Variants in ZNF143 observed in about 807,000 individuals in gnomAD.
ZNF143 encodes the protein zinc finger protein 143.
ZNF143 carries 49 observed loss-of-function variants against 74.1 expected under a neutral mutation model. The ratio of observed to expected loss-of-function variants is 0.66; its 90% CI spans 0.53 to 0.84. ZNF143 has a LOEUF of 0.84. Among genes scored for constraint, ZNF143 ranks in the 40% least tolerant of loss-of-function variants. The probability of loss-of-function intolerance (pLI) is 0.00; values close to 1 mark genes in which losing one functional copy is unlikely to be tolerated. For missense variants in ZNF143, 637 were observed against 793.4 expected (o/e 0.80, Z 2.37); for synonymous variants, 304 against 282.8 (o/e 1.07, Z -0.75).
intron 1 of ZNF143, chr11:9,461,974 T>C (rs1855887236): frequency 6.6e-6 from 1 of 152,244 alleles, no homozygotes; most frequent in Non-Finnish European, 1.5e-5. Context: ...AGGTTCGAGA[T>C]TGTGGTCGGC....
intron 11 of ZNF143, among the ~76,000 whole-genome samples, chr11:9,505,576 T>G (rs1356148179): frequency 6.6e-6 from 1 of 151,598 alleles, no homozygotes; most frequent in Non-Finnish European, 1.5e-5. Context: ...TACGAATGAG[T>G]TCACTTACTG....
At position 9,497,720 on chromosome 11, in the gene ZNF143, C is replaced by T; in HGVS notation, c.887C>T (p.Pro296Leu). The T allele has an allele frequency of 6.2e-7, 1 of 1,609,182 alleles. No individual in the cohort carries two copies. Among genetic ancestry groups the T allele is most frequent in the Non-Finnish European group, 8.5e-7 (1 of 1,176,292 alleles). The change falls in exon 10 of 16, where the codon CCA becomes CTA. Residue 296 changes from proline to leucine, a missense_variant. Pro to Leu is a moderately conservative substitution (Grantham distance 98, BLOSUM62 -3). Coordinates refer to ENST00000396602, the MANE Select transcript of ZNF143 (RefSeq NM_003442.6). ...GTCAGAACTCATACAGGAGAAAAGC[C>T]ATATCGGTGTTCGGAAGATAATTGT... is the stretch of plus-strand genomic sequence containing the variant. ...SHVRTHTGEK[P>L]YRCSEDNCTK...
At chr11:9,466,719 G>A (rs772888461) in intron 1 of ZNF143, among the ~76,000 whole-genome samples, 1 of 152,128 alleles carries the variant, frequency 6.6e-6, no homozygotes, top group East Asian at 1.9e-4. Flanking sequence ...GCAGTTACAG[G>A]TGTGAGCCAT....
chr11:9,497,822 CA>C, intron 10 of ZNF143, 22 bp downstream of exon 10: 1 of 949,650 alleles, frequency 1.1e-6, no homozygotes, highest in African/African-American at 1.8e-5. Context: ...AACAGAGTGT[CA>C]AAATCTTTTT....
intron 12 of ZNF143, among the ~76,000 whole-genome samples, chr11:9,510,412 C>G (rs1000311093): frequency 1.3e-5 from 2 of 152,024 alleles, no homozygotes; most frequent in Non-Finnish European, 2.9e-5. Flanking sequence ...GCGTGAGCCA[C>G]CGTACCCAGC....
At chr11:9,520,750 T>C (rs181180547) in intron 14 of ZNF143, among the ~76,000 whole-genome samples, 22 of 152,242 alleles carry the variant, frequency 1.4e-4, no homozygotes, top group Admixed American at 1.3e-3. Context: ...GATTGCACCA[T>C]TGCACTCCAG....
Position 9,508,704 on chromosome 11 carries a change from C to T in ZNF143, c.1233C>T (p.His411=), listed in dbSNP as rs1450235618. ...GTTTGTACAAACATCATGTTGTCCA[C>T]ACTCATTCCAAACCTTACAACTGTA... The part of the protein sequence containing the change: ...YSSLYKHHVV[H]THSKPYNCNH... Residue 411 remains histidine, a synonymous_variant, in exon 12 of 16, where the codon CAC becomes CAT. Coordinates refer to ENST00000396602, the MANE Select transcript of ZNF143 (RefSeq NM_003442.6). The T allele has an allele frequency of 3.1e-6, 5 of 1,613,956 alleles. No homozygotes were observed. Among genetic ancestry groups the T allele is most frequent in the Non-Finnish European group, 4.2e-6 (5 of 1,180,038 alleles).
intron 10 of ZNF143, among the ~76,000 whole-genome samples, chr11:9,500,537 G>A (rs1848122845): frequency 6.6e-6 from 1 of 151,874 alleles, no homozygotes; most frequent in African/African-American, 2.4e-5. Context: ...GAGTTCAAGC[G>A]ATTCTCCCGC....
At position 9,471,196 on chromosome 11, in the gene ZNF143, A is replaced by G. The variant is rs937397890; in HGVS notation, c.-7-106A>G. 5.6e-6 allele frequency: 5 copies of G among 900,066 alleles called. No individual in the cohort carries two copies. In the African/African-American group the frequency reaches 6.8e-5, roughly 12 times the overall value. 55.8% of individuals were successfully genotyped at this position (900,066 alleles called of 1,614,324 possible). Reference sequence around the variant, plus strand: ...TGAGTGAAATTTCATCTTATTTCCAACACCATTACATCCTCAGCAGCTTTT... The same window carrying G: ...TGAGTGAAATTTCATCTTATTTCCAGCACCATTACATCCTCAGCAGCTTTT... On this transcript the variant is annotated intron_variant, in intron 1 of 15. Transcript: ENST00000396602.
At chr11:9,497,870 G>T in intron 10 of ZNF143, 70 bp downstream of exon 10, 1 of 1,233,642 alleles carries the variant, frequency 8.1e-7, no homozygotes, top group Non-Finnish European at 1.1e-6. Context: ...TCGCTCTGTC[G>T]CCTAGGCTGG....
chr11:9,518,010 G>A (rs967323080), intron 14 of ZNF143, among the ~76,000 whole-genome samples: 9 of 151,966 alleles, frequency 5.9e-5, no homozygotes, highest in African/African-American at 2.2e-4. Flanking sequence ...GTCTAAAAAC[G>A]GACTGTATTG....
chr11:9,471,298 C>G lies in ZNF143; in HGVS notation c.-7-4C>G, dbSNP rs1590503675. ...GTTCCCAAGTGTCTTTATTTTTCTT[C>G]AAGGTAGAAGATGTTGTTAGCCCAA... On this transcript the variant is annotated splice_polypyrimidine_tract_variant and splice_region_variant and intron_variant, in intron 1 of 15. Coordinates refer to ENST00000396602, the MANE Select transcript of ZNF143 (RefSeq NM_003442.6). The G allele has an allele frequency of 1.9e-6, 3 of 1,588,098 alleles. No homozygotes were observed. The East Asian group carries it at 6.7e-5, about 36-fold the overall frequency.
At chr11:9,475,731 A>G (rs1015196406) in intron 5 of ZNF143, among the ~76,000 whole-genome samples, 8 of 152,096 alleles carry the variant, frequency 5.3e-5, no homozygotes, top group Admixed American at 3.3e-4. Context: ...TACTAAAAAT[A>G]CAAAAAAATA....
At chr11:9,478,202 A>G (rs1018583754) in intron 5 of ZNF143, among the ~76,000 whole-genome samples, 188 bp from the exon 6 acceptor site, 2 of 152,222 alleles carry the variant, frequency 1.3e-5, no homozygotes, top group African/African-American at 2.4e-5. Flanking sequence ...CATTTATACA[A>G]TGAAGGCAGT....
chr11:9,484,401 T>C (rs1408199843), intron 7 of ZNF143, among the ~76,000 whole-genome samples: 1 of 150,822 alleles, frequency 6.6e-6, no homozygotes, highest in Non-Finnish European at 1.5e-5. Context: ...AAAAAATGTT[T>C]TTTATATTTC....
intron 8 of ZNF143, among the ~76,000 whole-genome samples, 182 bp downstream of exon 8, chr11:9,494,947 T>C (rs1847909222): frequency 1.3e-5 from 2 of 152,202 alleles, no homozygotes; most frequent in South Asian, 4.1e-4. Flanking sequence ...TGTTAATTTT[T>C]TGAGGGCTTG....
intron 7 of ZNF143, among the ~76,000 whole-genome samples, chr11:9,493,848 C>A (rs1847868671): frequency 6.6e-6 from 1 of 152,052 alleles, no homozygotes; most frequent in Admixed American, 6.6e-5. Flanking sequence ...TATTACATCC[C>A]AGAAAAATGA....
intron 5 of ZNF143, among the ~76,000 whole-genome samples, chr11:9,475,910 A>ATATATGTGTGTGTGTGTG (rs370474107): frequency 2.9e-5 from 4 of 137,374 alleles, no homozygotes; most frequent in African/African-American, 1.1e-4. Flanking sequence ...AAAAATATAT[A>ATATATGTGTGTGTGTGTG]TGTGTGTGTG....
chr11:9,476,475 C>T (rs111359488), intron 5 of ZNF143, among the ~76,000 whole-genome samples: 5 of 152,028 alleles, frequency 3.3e-5, no homozygotes, highest in African/African-American at 1.2e-4. Flanking sequence ...TGGTTTCAAG[C>T]GATTCTCCTG....
Sources: gnomAD v4.1 joint callset for allele counts (sites outside exome capture counted in the v4.1 genomes callset) on GRCh38, gnomAD v4.1.1 for gene constraint, MANE v1.5 for transcripts, NCBI Gene and HGNC (gene_info 2026-07-23, HGNC 2026-07-21) for gene names.